Variants in SERPINA12 observed in about 807,000 individuals in gnomAD.
SERPINA12 encodes the protein serpin A12.
SERPINA12 carries 21 observed loss-of-function variants against 25.9 expected under a neutral mutation model. The ratio of observed to expected loss-of-function variants is 0.81; its 90% CI spans 0.58 to 1.17. The LOEUF (loss-of-function observed/expected upper bound fraction) is 1.17, where lower values mean the gene tolerates loss of function less well. Among genes scored for constraint, SERPINA12 ranks in the 50% most tolerant of loss-of-function variants. The pLI is 0.00. For synonymous variants in SERPINA12, 220 were observed against 196.0 expected (o/e 1.12, Z -1.02); for missense variants, 562 against 508.3 (o/e 1.11, Z -1.02).
intron 2 of SERPINA12, among the ~76,000 whole-genome samples, chr14:94,515,123 G>T (rs751037629): frequency 6.6e-6 from 1 of 152,230 alleles, no homozygotes; most frequent in Non-Finnish European, 1.5e-5. Flanking sequence ...GCACGGCCAC[G>T]GTTACCAATG....
intron 4 of SERPINA12, among the ~76,000 whole-genome samples, chr14:94,488,922 C>G (rs1018907723): frequency 1.3e-5 from 2 of 152,122 alleles, no homozygotes; most frequent in African/African-American, 2.4e-5. Flanking sequence ...TGGTGAAACC[C>G]TGTCTCTACT....
chr14:94,514,574 G>T (rs1901186127), intron 2 of SERPINA12, among the ~76,000 whole-genome samples: 1 of 152,258 alleles, frequency 6.6e-6, no homozygotes, highest in African/African-American at 2.4e-5. Context: ...TGGCTCTAAA[G>T]GGCTTGCTTT....
rs559382272 is a variant in SERPINA12, at chr14:94,488,171, G to A, written c.1054-677C>T. On this transcript the variant is annotated intron_variant, in intron 4 of 4. Transcript: ENST00000677451. ...ACTCAACAAGACCTTCAGAGCTGGT[G>A]TTAAATGTTTGTGGGAAGTCTGTGG... Among the ~76,000 whole-genome samples, 37 of 152,200 alleles carry A rather than the reference G, an allele frequency of 2.4e-4. 2 individuals are homozygous for A. The highest frequency in any genetic ancestry group is 1.2e-3 in the Admixed American group (19 of 15,286).
At chr14:94,510,241 A>G (rs1901073891), upstream of SERPINA12, 11 of 985,278 alleles carry the variant, frequency 1.1e-5, no homozygotes, top group South Asian at 4.7e-4. Flanking sequence ...CTGTCAATCA[A>G]TTTCACTTAA....
At chr14:94,509,877 G>T (rs17825828), upstream of SERPINA12, 270,099 of 625,368 alleles carry the variant, frequency 0.43, 60,914 homozygotes, top group African/African-American at 0.72. Flanking sequence ...GAGCAGAATC[G>T]TCCACCCCAG....
intron 3 of SERPINA12, among the ~76,000 whole-genome samples, chr14:94,493,662 C>T (rs141642738): frequency 2.1e-3 from 312 of 152,168 alleles, no homozygotes; most frequent in South Asian, 4.4e-3. Context: ...CTTCACGAGA[C>T]GCCACTGAGA....
chr14:94,491,011 T>C (rs1383149764), intron 3 of SERPINA12, among the ~76,000 whole-genome samples: 4 of 152,286 alleles, frequency 2.6e-5, no homozygotes, highest in Non-Finnish European at 5.9e-5. Context: ...TGTCATTCAG[T>C]CTCACAGCTT....
chr14:94,488,554 T>C (rs967205805), intron 4 of SERPINA12, among the ~76,000 whole-genome samples: 1 of 152,176 alleles, frequency 6.6e-6, no homozygotes, highest in Admixed American at 6.5e-5. Context: ...AAACAATGAA[T>C]ATGTTTTAGT....
upstream of SERPINA12, among the ~76,000 whole-genome samples, chr14:94,513,894 CT>C (rs1901167297): frequency 1.3e-5 from 2 of 152,182 alleles, no homozygotes; most frequent in African/African-American, 2.4e-5. Context: ...ACCAAAAATG[CT>C]TTCCCTCCTT....
intron 1 of SERPINA12, among the ~76,000 whole-genome samples, chr14:94,502,356 G>C (rs1297059548): frequency 6.6e-6 from 1 of 152,112 alleles, no homozygotes; most frequent in Non-Finnish European, 1.5e-5. Context: ...GGCGGCTTAA[G>C]TCTACACGAG....
intron 1 of SERPINA12, among the ~76,000 whole-genome samples, chr14:94,499,563 T>C (rs998355974): frequency 6.6e-6 from 1 of 152,254 alleles, no homozygotes; most frequent in African/African-American, 2.4e-5. Context: ...TTATATCATT[T>C]AGTCTGCTTT....
At chr14:94,503,941 A>G (rs189187652) in intron 1 of SERPINA12, 1 of 152,352 alleles carries the variant, frequency 6.6e-6, no homozygotes, top group African/African-American at 2.4e-5. Context: ...GTAGACATCC[A>G]TAACACTCTG....
intron 1 of SERPINA12, among the ~76,000 whole-genome samples, chr14:94,502,860 C>T (rs1595696877): frequency 3.3e-5 from 5 of 152,248 alleles, no homozygotes; most frequent in African/African-American, 1.2e-4. Context: ...CACCAGACAC[C>T]CCTTCCTGCC....
upstream of SERPINA12, chr14:94,511,835 C>A (rs1335265785): frequency 4.6e-5 from 25 of 548,556 alleles, no homozygotes; most frequent in Non-Finnish European, 5.8e-5. Context: ...TGGGGGGTCA[C>A]GCCTGTACTC....
intron 1 of SERPINA12, among the ~76,000 whole-genome samples, chr14:94,499,808 G>A (rs1034997135): frequency 2.0e-5 from 3 of 152,210 alleles, no homozygotes; most frequent in Non-Finnish European, 4.4e-5. Context: ...GGTCCACAGT[G>A]GGAGGGCTCT....
At chr14:94,507,442 G>A (rs144024447) in intron 1 of SERPINA12, among the ~76,000 whole-genome samples, 11 of 152,298 alleles carry the variant, frequency 7.2e-5, no homozygotes, top group South Asian at 2.1e-4. Flanking sequence ...GGAGTGGTAC[G>A]TGTAATGTCT....
upstream of SERPINA12, among the ~76,000 whole-genome samples, chr14:94,513,803 C>T (rs773664471): frequency 6.6e-6 from 1 of 152,216 alleles, no homozygotes; most frequent in Non-Finnish European, 1.5e-5. Context: ...CTGCTATTGT[C>T]TTCCAGTGGT....
Position 94,489,784 on chromosome 14 carries a change from A to G in SERPINA12, c.906-17T>C. 1 of 1,612,688 alleles carries G rather than the reference A, an allele frequency of 6.2e-7. No homozygotes were observed. Among genetic ancestry groups the G allele is most frequent in the South Asian group, 1.1e-5 (1 of 90,916 alleles). ...TCTACGACCCTGGGGAATTGACACG[A>G]CAAGGGTGAGTGGTCAAGTCCTGTT... On this transcript the variant is annotated splice_polypyrimidine_tract_variant and intron_variant, in intron 3 of 4. Transcript: ENST00000677451.
chr14:94,507,266 T>C (rs2084884781), intron 1 of SERPINA12, among the ~76,000 whole-genome samples: 1 of 152,200 alleles, frequency 6.6e-6, no homozygotes, highest in East Asian at 1.9e-4. Flanking sequence ...ATCAAAATGA[T>C]AAAGCTTCTA....
Sources: gnomAD v4.1 joint callset for allele counts (sites outside exome capture counted in the v4.1 genomes callset) on GRCh38, gnomAD v4.1.1 for gene constraint, MANE v1.5 for transcripts, NCBI Gene and HGNC (gene_info 2026-07-23, HGNC 2026-07-21) for gene names.